SV2C: variants seen among roughly 807,000 people sequenced by gnomAD.
SV2C encodes the protein solute carrier family 22 member B3.
In SV2C, 49 loss-of-function variants were observed where a neutral mutation model predicts 79.7. That is an observed-to-expected ratio of 0.61 (90% CI 0.49 to 0.78). The LOEUF is 0.78. Ranked by LOEUF, SV2C falls within the 30% of genes least tolerant of loss-of-function variation. SV2C has a pLI of 0.00. For missense variants in SV2C, 833 were observed against 912.9 expected, an observed-to-expected ratio of 0.91 and a Z score of 1.13; for synonymous variants, 334 against 333.2, an observed-to-expected ratio of 1.00 and a Z score of -0.03.
intron 3 of SV2C, among the ~76,000 whole-genome samples, chr5:76,201,445 C>T (rs1013407879): frequency 2.0e-5 from 3 of 152,126 alleles, no homozygotes; most frequent in African/African-American, 4.8e-5. Flanking sequence ...ATAATAGCAA[C>T]AGAAATTAAA....
intron 4 of SV2C, among the ~76,000 whole-genome samples, chr5:76,278,839 T>C (rs1319778566): frequency 1.3e-5 from 2 of 152,208 alleles, no homozygotes; most frequent in Admixed American, 1.3e-4. Context: ...AGTGACCTTA[T>C]TGACATTTTA....
the SV2C span, among the ~76,000 whole-genome samples, chr5:76,045,284 C>T: frequency 2.6e-5 from 4 of 152,100 alleles, no homozygotes; most frequent in African/African-American, 9.7e-5. Flanking sequence ...GTCTGTTTTT[C>T]TACCAGTACC....
chr5:76,062,280 C>A, the SV2C span, among the ~76,000 whole-genome samples: 1 of 152,024 alleles, frequency 6.6e-6, no homozygotes, highest in Non-Finnish European at 1.5e-5. Flanking sequence ...GTGATTACAT[C>A]ATGAAGGTAG....
At chr5:75,968,620 T>C in the SV2C span, among the ~76,000 whole-genome samples, 1 of 152,068 alleles carries the variant, frequency 6.6e-6, no homozygotes, top group Non-Finnish European at 1.5e-5. Context: ...AAGAGAAGTT[T>C]AGAGAAAAAA....
upstream of SV2C, chr5:76,078,536 C>T (rs576525769): frequency 1.4e-5 from 4 of 282,438 alleles, no homozygotes; most frequent in South Asian, 9.0e-5. Flanking sequence ...CTTAACAAGA[C>T]GAACATTGGT....
intron 4 of SV2C, among the ~76,000 whole-genome samples, chr5:76,276,741 CT>C (rs5868818): frequency 6.4e-5 from 9 of 139,604 alleles, no homozygotes; most frequent in Non-Finnish European, 7.9e-5. Flanking sequence ...TCTTTCTTTT[CT>C]TTTTTTTTTA....
At chr5:75,967,353 T>A in the SV2C span, among the ~76,000 whole-genome samples, 4 of 152,232 alleles carry the variant, frequency 2.6e-5, no homozygotes, top group East Asian at 5.8e-4. Context: ...GCACTGTGCA[T>A]GAGCCGAAGC....
At chr5:76,179,215 A>G (rs1023871992) in intron 2 of SV2C, among the ~76,000 whole-genome samples, 1 of 152,218 alleles carries the variant, frequency 6.6e-6, no homozygotes, top group Non-Finnish European at 1.5e-5. Context: ...ATGAAAGGCA[A>G]AAGGAGCATG....
intron 2 of SV2C, among the ~76,000 whole-genome samples, chr5:76,185,313 C>A (rs1367280606): frequency 6.6e-6 from 1 of 152,220 alleles, no homozygotes; most frequent in Non-Finnish European, 1.5e-5. Context: ...GCAGATCTAC[C>A]ATTCTGGGTT....
In SV2C at chr5:76,132,105, G is replaced by T. The variant is rs776492250; in HGVS notation, c.355G>T (p.Asp119Tyr). 6 of 1,613,722 alleles carry T rather than the reference G, an allele frequency of 3.7e-6. No individual in the cohort carries two copies. In the African/African-American group the frequency reaches 6.7e-5, roughly 18 times the overall value. Residue 119 changes from aspartate to tyrosine, a missense_variant, in exon 2 of 13, where the codon GAC becomes TAC. By Grantham distance (160) the Asp-to-Tyr change is radical (BLOSUM62 -3). Coordinates refer to ENST00000502798, the MANE Select transcript of SV2C (RefSeq NM_014979.4). ...GCAGCCCAAGGGCGATGAGTACAAG[G>T]ACCGGCGGGAGCTGGAATCAGAAAG... ...VGQPKGDEYK[D>Y]RRELESERRA... is the part of the protein sequence containing the mutation.
chr5:76,161,145 C>CAAATA (rs1554036817), intron 2 of SV2C, among the ~76,000 whole-genome samples: 175 of 152,070 alleles, frequency 1.2e-3, no homozygotes, highest in African/African-American at 3.4e-3. Context: ...AATGAATAGA[C>CAAATA]AAATTTTGAA....
intron 12 of SV2C, among the ~76,000 whole-genome samples, chr5:76,343,432 CAGA>C (rs1165268014): frequency 4.6e-5 from 7 of 152,174 alleles, no homozygotes; most frequent in African/African-American, 1.7e-4. Flanking sequence ...AAAAAATATC[CAGA>C]AGATTATGGC....
chr5:76,325,702 T>C lies in SV2C; in HGVS notation c.*155T>C, dbSNP rs1748974900. On this transcript the variant is annotated 3_prime_UTR_variant, in exon 13 of 13. Coordinates refer to ENST00000502798, the MANE Select transcript of SV2C (RefSeq NM_014979.4). ...ACTTAAAATTTAGAAGCATATCATCTTGCCCCTTTGTGATTTTGCACAGGT... is the reference window on the plus strand; with the variant it reads ...ACTTAAAATTTAGAAGCATATCATCCTGCCCCTTTGTGATTTTGCACAGGT... 1.9e-6 allele frequency: 2 copies of C among 1,067,930 alleles called. No individual in the cohort carries two copies. Among genetic ancestry groups the C allele is most frequent in the Non-Finnish European group, 2.6e-6 (2 of 768,294 alleles). The allele number at this position is 1,067,930 out of a possible 1,614,324, so 66.2% of individuals were successfully genotyped here. A position where few individuals can be genotyped will look rare whatever the true frequency, so the allele number is the denominator to read the frequency against.
At chr5:76,110,519 T>C (rs114427599) in intron 1 of SV2C, among the ~76,000 whole-genome samples, 324 of 152,300 alleles carry the variant, frequency 2.1e-3, no homozygotes, top group African/African-American at 6.8e-3. Context: ...CAGCAGACCC[T>C]CGGGGTTTCT....
At chr5:76,153,736 G>T (rs1990976) in intron 2 of SV2C, among the ~76,000 whole-genome samples, 1 of 152,054 alleles carries the variant, frequency 6.6e-6, no homozygotes, top group Non-Finnish European at 1.5e-5. Flanking sequence ...CTGATGATTT[G>T]CAGGCTTGTG....
the SV2C span, among the ~76,000 whole-genome samples, chr5:75,992,783 T>C: frequency 6.6e-6 from 1 of 152,026 alleles, no homozygotes; most frequent in Non-Finnish European, 1.5e-5. Flanking sequence ...AAAGTGAAAT[T>C]TGTATTGAAC....
At chr5:76,091,339 C>T (rs1367357897) in intron 1 of SV2C, among the ~76,000 whole-genome samples, 3 of 152,186 alleles carry the variant, frequency 2.0e-5, no homozygotes, top group Admixed American at 6.5e-5. Flanking sequence ...TGGCATTCCC[C>T]GCCTGCTTCA....
At chr5:76,253,414 A>C (rs976971509) in intron 4 of SV2C, among the ~76,000 whole-genome samples, 1 of 152,112 alleles carries the variant, frequency 6.6e-6, no homozygotes, top group African/African-American at 2.4e-5. Flanking sequence ...CTTTGGATCA[A>C]AACTAGTCTG....
Position 76,174,167 on chromosome 5 carries a change from A to C in SV2C, c.581-20752A>C, listed in dbSNP as rs747781188. The C allele has an allele frequency of 4.3e-6, 7 of 1,612,542 alleles. No homozygotes were observed. The East Asian group carries it at 1.6e-4, about 36-fold the overall frequency. On this transcript the variant is annotated intron_variant, in intron 2 of 12. Coordinates refer to ENST00000502798, the MANE Select transcript of SV2C (RefSeq NM_014979.4). ...AACGCCTCGTGAGCCAAGAACGACT[A>C]GCTTATACTCACGCATGATGCAAGC...
Sources: gnomAD v4.1 joint callset for allele counts (sites outside exome capture counted in the v4.1 genomes callset) on GRCh38, gnomAD v4.1.1 for gene constraint, MANE v1.5 for transcripts, NCBI Gene and HGNC (gene_info 2026-07-23, HGNC 2026-07-21) for gene names.